Variants in FBLN7 observed in about 807,000 individuals in gnomAD.
The protein encoded by FBLN7 is fibulin 7, also known as fibulin-7.
In FBLN7, 31 loss-of-function variants were observed where a neutral mutation model predicts 44.0. The ratio of observed to expected loss-of-function variants is 0.70; its 90% CI spans 0.53 to 0.95. The LOEUF is 0.95. Among genes scored for constraint, FBLN7 ranks in the 40% least tolerant of loss-of-function variants. The probability of loss-of-function intolerance (pLI) is 0.00; values close to 1 mark genes in which losing one functional copy is unlikely to be tolerated. For missense variants in FBLN7, 573 were observed against 618.5 expected, an observed-to-expected ratio of 0.93 and a Z score of 0.78; for synonymous variants, 262 against 253.4, an observed-to-expected ratio of 1.03 and a Z score of -0.32.
intron 3 of FBLN7, among the ~76,000 whole-genome samples, chr2:112,174,433 A>G (rs1682635156): frequency 6.6e-6 from 1 of 152,158 alleles, no homozygotes; most frequent in Non-Finnish European, 1.5e-5. Context: ...GGCTTAAGGG[A>G]AGCCTAAGTC....
chr2:112,235,852 G>C, the FBLN7 span, among the ~76,000 whole-genome samples: 3 of 150,494 alleles, frequency 2.0e-5, no homozygotes, highest in Non-Finnish European at 2.9e-5. Context: ...AAATTTGTAA[G>C]ACTCAGTGGC....
At chr2:112,155,173 G>A (rs1681351282) in intron 1 of FBLN7, among the ~76,000 whole-genome samples, 1 of 152,176 alleles carries the variant, frequency 6.6e-6, no homozygotes, top group Non-Finnish European at 1.5e-5. Flanking sequence ...GGAAAAAGGG[G>A]GCACTGGGGT....
At chr2:112,143,985 C>T (rs1269250223) in intron 1 of FBLN7, among the ~76,000 whole-genome samples, 2 of 152,102 alleles carry the variant, frequency 1.3e-5, no homozygotes. Flanking sequence ...CTTGTGGCTG[C>T]AGCATTTACC....
Position 112,187,704 on chromosome 2 carries a change from ACT to A in FBLN7, c.*201_*202del, listed in dbSNP as rs1683342117. On this transcript the variant is annotated 3_prime_UTR_variant, in exon 8 of 8. Coordinates refer to ENST00000331203, the MANE Select transcript of FBLN7 (RefSeq NM_153214.3). This position sits in a 1 kb window ranked among gnomAD's most constrained non-coding sequence, Gnocchi z 5.1. ...GCCACAAAACTCAACTGCTGCCATC[ACT>A]CTTTTTTTTTTTCTGCTTTGAGGCC... 1.6e-6 allele frequency: 1 copy of A among 615,952 alleles called. No homozygotes were observed. The highest frequency in any genetic ancestry group is 1.9e-5 in the African/African-American group (1 of 52,014). The allele number at this position is 615,952 out of a possible 1,614,324, so 38.2% of individuals were successfully genotyped here. A position where few individuals can be genotyped will look rare whatever the true frequency, so the allele number is the denominator to read the frequency against.
At chr2:112,216,873 A>G in the FBLN7 span, among the ~76,000 whole-genome samples, 2 of 152,134 alleles carry the variant, frequency 1.3e-5, no homozygotes. Context: ...AAAATTTAAT[A>G]GAAAACAAAG....
the FBLN7 span, among the ~76,000 whole-genome samples, chr2:112,206,215 T>C: frequency 2.6e-5 from 4 of 152,224 alleles, no homozygotes; most frequent in African/African-American, 7.2e-5. Context: ...TTTCTGGTAC[T>C]GTTCCCATTT....
the FBLN7 span, among the ~76,000 whole-genome samples, chr2:112,239,881 G>A: frequency 3.3e-5 from 5 of 152,190 alleles, no homozygotes; most frequent in South Asian, 6.2e-4. Flanking sequence ...CACCATGCCC[G>A]GCAACAGTTT....
intron 1 of FBLN7, among the ~76,000 whole-genome samples, chr2:112,148,823 C>T (rs1294412253): frequency 1.3e-5 from 2 of 152,210 alleles, no homozygotes; most frequent in Admixed American, 1.3e-4. Context: ...TCACAGACTT[C>T]TTGAGACCCA....
chr2:112,233,980 G>T, the FBLN7 span: 1 of 546,462 alleles, frequency 1.8e-6, no homozygotes, highest in Non-Finnish European at 3.0e-6. Context: ...AAACATAAAA[G>T]AATACTTCAC....
chr2:112,180,244 A>G (rs1300642718), intron 4 of FBLN7, among the ~76,000 whole-genome samples: 2 of 152,240 alleles, frequency 1.3e-5, no homozygotes, highest in African/African-American at 4.8e-5. Context: ...AAAAAGCTCC[A>G]TATCACTGAT....
At chr2:112,205,594 T>C in the FBLN7 span, among the ~76,000 whole-genome samples, 598 of 152,160 alleles carry the variant, frequency 3.9e-3, 4 homozygotes, top group African/African-American at 0.014. Context: ...TAAATGTAAA[T>C]AACAGTCTAA....
At chr2:112,162,047 G>C (rs1392781686) in intron 2 of FBLN7, among the ~76,000 whole-genome samples, 1 of 152,186 alleles carries the variant, frequency 6.6e-6, no homozygotes, top group South Asian at 2.1e-4. Context: ...GAGAGACAAG[G>C]TCTCGCTCTG....
chr2:112,190,088 A>G (rs564618390), downstream of FBLN7: 19 of 152,272 alleles, frequency 1.2e-4, no homozygotes, highest in East Asian at 3.7e-3. Flanking sequence ...AGGGTCATTT[A>G]TATTGTAGAA....
chr2:112,160,996 T>G (rs1681842045), intron 2 of FBLN7, among the ~76,000 whole-genome samples: 2 of 152,252 alleles, frequency 1.3e-5, no homozygotes, highest in African/African-American at 2.4e-5. Context: ...GAAGGGCTGC[T>G]GAGGACAAGT....
Position 112,185,334 on chromosome 2 carries a change from T to TC in FBLN7, c.944dup (p.Phe316IlefsTer4). Reference sequence around the variant, plus strand: ...GCAATGTGAGCTACGTGAAGACGTCTCCATTGTGAGTATCTCCAGGGGAGG... The same window carrying TC: ...GCAATGTGAGCTACGTGAAGACGTCTCCCATTGTGAGTATCTCCAGGGGAGG... On this transcript the variant is annotated frameshift_variant, in exon 7 of 8. Transcript: ENST00000331203. LOFTEE classifies it high-confidence loss of function. The TC allele has an allele frequency of 1.2e-6, 2 of 1,613,176 alleles. No homozygotes were observed. The highest frequency in any genetic ancestry group is 1.7e-6 in the Non-Finnish European group (2 of 1,179,334).
chr2:112,238,315 C>T, the FBLN7 span: 2 of 1,612,794 alleles, frequency 1.2e-6, no homozygotes, highest in Middle Eastern at 1.7e-4. Context: ...TGACTCTTAC[C>T]CTGTGGGGTA....
At chr2:112,225,031 C>A in the FBLN7 span, among the ~76,000 whole-genome samples, 2 of 152,068 alleles carry the variant, frequency 1.3e-5, no homozygotes, top group East Asian at 3.9e-4. Flanking sequence ...CTGTTTTATT[C>A]TGTTTGATGC....
chr2:112,140,377 C>T (rs1573752415), intron 1 of FBLN7, among the ~76,000 whole-genome samples: 1 of 152,352 alleles, frequency 6.6e-6, no homozygotes, highest in East Asian at 1.9e-4. Context: ...GCAGGGGAGG[C>T]AGCACCAAGG....
intron 5 of FBLN7, among the ~76,000 whole-genome samples, chr2:112,182,566 A>T (rs898409952): frequency 2.0e-5 from 3 of 151,038 alleles, no homozygotes; most frequent in Non-Finnish European, 4.4e-5. Flanking sequence ...GCTCCCTCTC[A>T]CTCCTCCTTT....
Sources: gnomAD v4.1 joint callset for allele counts (sites outside exome capture counted in the v4.1 genomes callset) on GRCh38, gnomAD v4.1.1 for gene constraint, Gnocchi (gnomAD v3.1) non-coding constraint, MANE v1.5 for transcripts, NCBI Gene and HGNC (gene_info 2026-07-23, HGNC 2026-07-21) for gene names.